IGF1: variants seen among roughly 807,000 people sequenced by gnomAD.
IGF1 encodes the protein insulin-like growth factor 1.
In IGF1, 4 loss-of-function variants were observed where a neutral mutation model predicts 13.8. The ratio of observed to expected loss-of-function variants is 0.29; its 90% CI spans 0.14 to 0.66. IGF1 has a LOEUF of 0.66. Ranked by LOEUF, IGF1 falls within the 30% of genes least tolerant of loss-of-function variation. IGF1 has a pLI of 0.78. For missense variants in IGF1, 124 were observed against 188.5 expected (o/e 0.66, Z 2.00); for synonymous variants, 76 against 72.6 (o/e 1.05, Z -0.23).
At chr12:102,466,283 A>G (rs575810227) in intron 2 of IGF1, among the ~76,000 whole-genome samples, 1 of 152,170 alleles carries the variant, frequency 6.6e-6, no homozygotes, top group South Asian at 2.1e-4. Context: ...TGTTACTTTC[A>G]CTCATGGTTT....
At chr12:102,473,301 A>G (rs1415033580) in intron 2 of IGF1, among the ~76,000 whole-genome samples, 1 of 152,230 alleles carries the variant, frequency 6.6e-6, no homozygotes, top group Non-Finnish European at 1.5e-5. Context: ...ACTCAACTGT[A>G]AGCCCCTTGA....
At chr12:102,447,096 G>C (rs1245258791) in intron 2 of IGF1, among the ~76,000 whole-genome samples, 1 of 152,152 alleles carries the variant, frequency 6.6e-6, no homozygotes, top group Non-Finnish European at 1.5e-5. Context: ...GAGACTGTTT[G>C]TTATGATTTC....
Position 102,397,427 on chromosome 12 carries a change from C to A in IGF1, c.*5080G>T, listed in dbSNP as rs1267466027. ...TCTTTAAAAAACAAAAGCATTGTTC[C>A]AGATAGGAATTGGTTATTTAAATTG... is the stretch of plus-strand genomic sequence containing the variant. On this transcript the variant is annotated 3_prime_UTR_variant, in exon 4 of 4. Transcript: ENST00000337514. The A allele has an allele frequency of 6.6e-6, 1 of 152,090 alleles. No individual in the cohort carries two copies. The highest frequency in any genetic ancestry group is 1.5e-5 in the Non-Finnish European group (1 of 68,008). 9.4% of individuals were successfully genotyped at this position (152,090 alleles called of 1,614,324 possible).
At chr12:102,451,991 G>A (rs922912415) in intron 2 of IGF1, among the ~76,000 whole-genome samples, 16 of 152,108 alleles carry the variant, frequency 1.1e-4, no homozygotes, top group African/African-American at 3.4e-4. Context: ...GGCCGGGCGC[G>A]GTGGCTCACG....
upstream of IGF1, chr12:102,481,615 T>C (rs1199759124): frequency 6.6e-6 from 1 of 152,130 alleles, no homozygotes; most frequent in African/African-American, 2.4e-5. Context: ...GTCGATACAG[T>C]TTGTACCTAT....
chr12:102,478,472 TA>T, intron 1 of IGF1: 1 of 1,586,862 alleles, frequency 6.3e-7, no homozygotes, highest in Non-Finnish European at 8.6e-7. Context: ...GCAACAGTCA[TA>T]AGAAAATACT....
intron 1 of IGF1, among the ~76,000 whole-genome samples, chr12:102,480,064 G>A (rs1415614135): frequency 2.6e-5 from 4 of 152,102 alleles, no homozygotes; most frequent in Non-Finnish European, 5.9e-5. Context: ...TGACACCACG[G>A]AAGCCCTGCA....
At chr12:102,416,332 A>G (rs559661768) in intron 3 of IGF1, among the ~76,000 whole-genome samples, 8 of 152,160 alleles carry the variant, frequency 5.3e-5, no homozygotes, top group Admixed American at 2.0e-4. Flanking sequence ...GAAGACCCCA[A>G]TCCTACTGAT....
At chr12:102,446,331 G>A (rs1410929308) in intron 2 of IGF1, among the ~76,000 whole-genome samples, 11 of 152,058 alleles carry the variant, frequency 7.2e-5, no homozygotes, top group East Asian at 1.9e-4. Context: ...GGTAGAATTC[G>A]GCTATGCATC....
At chr12:102,474,440 G>A (rs538544848) in intron 2 of IGF1, among the ~76,000 whole-genome samples, 2 of 152,220 alleles carry the variant, frequency 1.3e-5, no homozygotes, top group East Asian at 3.9e-4. Flanking sequence ...AGTACTGATC[G>A]CCAATACCCT....
At chr12:102,448,679 T>TA (rs901993280) in intron 2 of IGF1, among the ~76,000 whole-genome samples, 9 of 77,738 alleles carry the variant, frequency 1.2e-4, no homozygotes, top group South Asian at 5.6e-4. Flanking sequence ...CCCTAAAACT[T>TA]AGAGTATAAT....
At chr12:102,479,090 T>G (rs571035070) in intron 1 of IGF1, among the ~76,000 whole-genome samples, 1 of 152,352 alleles carries the variant, frequency 6.6e-6, no homozygotes, top group South Asian at 2.1e-4. Context: ...CCACAGCCTC[T>G]TTTATGATCC....
At chr12:102,460,581 TAAAGCACCCAGC>T (rs1592817547) in intron 2 of IGF1, among the ~76,000 whole-genome samples, 1 of 152,128 alleles carries the variant, frequency 6.6e-6, no homozygotes, top group East Asian at 1.9e-4. Flanking sequence ...TACATTTTAC[TAAAGCACCCAGC>T]AAAAGGAATG....
chr12:102,412,723 C>T (rs1874754318), intron 3 of IGF1, among the ~76,000 whole-genome samples: 1 of 152,298 alleles, frequency 6.6e-6, no homozygotes, highest in Middle Eastern at 3.4e-3. Context: ...ATGATAAGAA[C>T]TTTCTTAGGG....
chr12:102,429,233 T>A (rs1303927500), intron 2 of IGF1, among the ~76,000 whole-genome samples: 1 of 152,194 alleles, frequency 6.6e-6, no homozygotes, highest in Non-Finnish European at 1.5e-5. Flanking sequence ...GACCATTATT[T>A]CTTTTCTTTC....
At chr12:102,473,844 A>AT (rs1322852934) in intron 2 of IGF1, among the ~76,000 whole-genome samples, 1 of 152,188 alleles carries the variant, frequency 6.6e-6, no homozygotes, top group African/African-American at 2.4e-5. Context: ...AGGAACAATC[A>AT]TTTTTTCCAT....
intron 2 of IGF1, among the ~76,000 whole-genome samples, chr12:102,426,603 C>G (rs1480661253): frequency 2.6e-5 from 4 of 152,188 alleles, no homozygotes; most frequent in African/African-American, 9.6e-5. Context: ...AGAATAGACA[C>G]TATGAGAATG....
chr12:102,453,424 C>T (rs188780809), intron 2 of IGF1, among the ~76,000 whole-genome samples: 2 of 152,310 alleles, frequency 1.3e-5, no homozygotes, highest in East Asian at 1.9e-4. Context: ...CAATTATACT[C>T]AGGCAATGTT....
chr12:102,464,018 G>A (rs912163897), intron 2 of IGF1, among the ~76,000 whole-genome samples: 2 of 152,180 alleles, frequency 1.3e-5, no homozygotes, highest in African/African-American at 4.8e-5. Flanking sequence ...CACTTGTAGT[G>A]TTCTCTAAGG....
Sources: allele counts gnomAD v4.1 joint callset (sites outside exome capture counted in the v4.1 genomes callset), GRCh38; gene constraint gnomAD v4.1.1; transcripts MANE v1.5; gene names NCBI Gene and HGNC (gene_info 2026-07-23, HGNC 2026-07-21).